Variants in DIP2B observed in about 807,000 individuals in gnomAD.
DIP2B encodes disco-interacting protein 2 homolog B.
A neutral mutation model predicts 198.0 loss-of-function variants in DIP2B; 76 were observed. That is an observed-to-expected ratio of 0.38 (90% CI 0.32 to 0.46). The LOEUF (loss-of-function observed/expected upper bound fraction) is 0.46, where lower values mean the gene tolerates loss of function less well. Ranked by LOEUF, DIP2B falls within the 20% of genes least tolerant of loss-of-function variation. The probability of loss-of-function intolerance (pLI) is 0.99; values close to 1 mark genes in which losing one functional copy is unlikely to be tolerated. For missense variants in DIP2B, 1,559 were observed against 1,978.4 expected (o/e 0.79, Z 4.02); for synonymous variants, 701 against 739.1 (o/e 0.95, Z 0.84).
At chr12:50,580,832 A>G (rs1028198347) in intron 1 of DIP2B, among the ~76,000 whole-genome samples, 2 of 148,896 alleles carry the variant, frequency 1.3e-5, no homozygotes, top group African/African-American at 4.9e-5. Flanking sequence ...CACACACTTT[A>G]TGTTCAAATG....
At chr12:50,708,696 A>G (rs1283647968) in intron 22 of DIP2B, 134 bp downstream of exon 22, 3 of 669,630 alleles carry the variant, frequency 4.5e-6, no homozygotes, top group Non-Finnish European at 7.7e-6. Flanking sequence ...GGGTACTACT[A>G]GCAAAATCAG....
chr12:50,692,355 C>A (rs151114194), intron 13 of DIP2B, among the ~76,000 whole-genome samples: 32 of 151,638 alleles, frequency 2.1e-4, no homozygotes, highest in African/African-American at 7.5e-4. Flanking sequence ...TCAAACTTCC[C>A]AAGTTTCTAA....
chr12:50,669,491 C>G (rs1938812361), intron 4 of DIP2B, among the ~76,000 whole-genome samples: 1 of 152,216 alleles, frequency 6.6e-6, no homozygotes, highest in African/African-American at 2.4e-5. Context: ...GATGCTATCT[C>G]TGCTCACTGC....
chr12:50,619,037 C>G (rs568633021), intron 1 of DIP2B, among the ~76,000 whole-genome samples: 1 of 152,234 alleles, frequency 6.6e-6, no homozygotes, highest in East Asian at 1.9e-4. Context: ...CCAAAGTCCC[C>G]CCACCCTCTA....
intron 22 of DIP2B, among the ~76,000 whole-genome samples, chr12:50,709,851 A>C (rs1362223804): frequency 6.6e-6 from 1 of 152,050 alleles, no homozygotes; most frequent in African/African-American, 2.4e-5. Context: ...TGTGACAGGC[A>C]CCAGTAGCCC....
At chr12:50,648,495 C>G (rs1464936813) in intron 3 of DIP2B, among the ~76,000 whole-genome samples, 2 of 152,160 alleles carry the variant, frequency 1.3e-5, no homozygotes, top group Non-Finnish European at 2.9e-5. Context: ...TCCCGAGTAG[C>G]TGGGACTACA....
intron 1 of DIP2B, among the ~76,000 whole-genome samples, chr12:50,527,028 T>A (rs1339703993): frequency 6.6e-6 from 1 of 152,196 alleles, no homozygotes; most frequent in Non-Finnish European, 1.5e-5. Flanking sequence ...CCAGACATTG[T>A]AATAAAACCA....
At chr12:50,634,588 T>C (rs1056267534) in intron 2 of DIP2B, among the ~76,000 whole-genome samples, 1 of 152,180 alleles carries the variant, frequency 6.6e-6, no homozygotes, top group African/African-American at 2.4e-5. Flanking sequence ...ACTTAGGGGT[T>C]TGTTCAATTA....
rs187283930 is a variant in DIP2B, at chr12:50,626,013, C to T, written c.138C>T (p.Ser46=). Residue 46 remains serine (S), a synonymous_variant, in exon 2 of 38, where the codon TCC becomes TCT. Coordinates refer to ENST00000301180, the MANE Select transcript of DIP2B (RefSeq NM_173602.3). ...AGAAGGGCTATGAAAAGAAAAGGTC[C>T]AAACTCCTATCTCCTTACAGCCCGC... ...ITQKGYEKKR[S]KLLSPYSPQT... 191 of 1,614,050 alleles carry T rather than the reference C, an allele frequency of 1.2e-4. 1 individual carries two copies. In the East Asian group the frequency reaches 3.2e-3, roughly 27 times the overall value.
intron 26 of DIP2B, among the ~76,000 whole-genome samples, chr12:50,722,132 A>T (rs1329162510): frequency 2.0e-5 from 3 of 152,088 alleles, no homozygotes; most frequent in East Asian, 1.9e-4. Flanking sequence ...TTCTGGGTGA[A>T]ATATTGGAGT....
chr12:50,546,597 A>T (rs1446085400), intron 1 of DIP2B, among the ~76,000 whole-genome samples: 2 of 152,200 alleles, frequency 1.3e-5, no homozygotes, highest in African/African-American at 4.8e-5. Flanking sequence ...CAATGTCCTT[A>T]TCTGGAAAAT....
In DIP2B at chr12:50,695,277, A is replaced by G. The variant is rs1457673151; in HGVS notation, c.1730A>G (p.Asn577Ser). The G allele has an allele frequency of 1.9e-6, 3 of 1,613,530 alleles. No individual in the cohort carries two copies. The highest frequency in any genetic ancestry group is 3.3e-4 in the Middle Eastern group (2 of 6,060). ...TTCTTTGTTTTTCAGAATGTAATGAATAAGATGCACACAATCAGCGTACCC... is the reference window on the plus strand; with the variant it reads ...TTCTTTGTTTTTCAGAATGTAATGAGTAAGATGCACACAATCAGCGTACCC... ...LWHGMFANVM[N>S]KMHTISVPYS... Residue 577 changes from asparagine (N) to serine (S), a missense_variant, in exon 15 of 38, where the codon AAT (asparagine) becomes AGT (serine). Physicochemically the swap from Asn to Ser is conservative, Grantham distance 46. Coordinates refer to ENST00000301180, the MANE Select transcript of DIP2B (RefSeq NM_173602.3).
At chr12:50,547,660 A>G (rs942432834) in intron 1 of DIP2B, among the ~76,000 whole-genome samples, 6 of 152,352 alleles carry the variant, frequency 3.9e-5, no homozygotes, top group African/African-American at 1.4e-4. Flanking sequence ...GCTAAAAAAA[A>G]TAAGTCTACT....
intron 1 of DIP2B, among the ~76,000 whole-genome samples, chr12:50,616,569 A>G (rs1270673177): frequency 2.0e-5 from 3 of 152,242 alleles, no homozygotes; most frequent in East Asian, 3.8e-4. Flanking sequence ...AGTTTTTAAA[A>G]TAATTCAAGG....
At chr12:50,614,052 A>T (rs551483011) in intron 1 of DIP2B, among the ~76,000 whole-genome samples, 2 of 152,264 alleles carry the variant, frequency 1.3e-5, no homozygotes, top group African/African-American at 4.8e-5. Context: ...ACTACCCCAT[A>T]TCTCTTTCCC....
chr12:50,704,746 C>T (rs568344465), intron 20 of DIP2B, among the ~76,000 whole-genome samples: 4 of 152,264 alleles, frequency 2.6e-5, no homozygotes, highest in Admixed American at 6.5e-5. Flanking sequence ...GGGCGGATCA[C>T]CTGAGGTCAG....
At position 50,505,182 on chromosome 12, in the gene DIP2B, G is replaced by C. The variant is rs1441852888; in HGVS notation, c.42G>C (p.Ala14=). ...RGLEPSPAAV[A]ALPPEVRAQL... ...TGGAGCCGTCGCCGGCCGCGGTGGC[G>C]GCGCTGCCGCCTGAAGTGCGGGCGC... The change falls in exon 1 of 38, where the codon GCG becomes GCC. Residue 14 remains alanine (A), a synonymous_variant. Transcript: ENST00000301180. The C allele has an allele frequency of 4.6e-6, 7 of 1,525,772 alleles. No individual in the cohort carries two copies. Among genetic ancestry groups the C allele is most frequent in the Non-Finnish European group, 6.1e-6 (7 of 1,142,058 alleles). The allele number at this position is 1,525,772 out of a possible 1,614,324, so 94.5% of individuals were successfully genotyped here. A position where few individuals can be genotyped will look rare whatever the true frequency, so the allele number is the denominator to read the frequency against.
At chr12:50,573,654 T>C (rs907215816) in intron 1 of DIP2B, among the ~76,000 whole-genome samples, 14 of 152,208 alleles carry the variant, frequency 9.2e-5, no homozygotes, top group African/African-American at 3.1e-4. Context: ...TGGAATCCCA[T>C]GATTGGCATA....
chr12:50,688,833 T>C (rs1295254999), intron 12 of DIP2B, among the ~76,000 whole-genome samples: 3 of 152,168 alleles, frequency 2.0e-5, no homozygotes, highest in Admixed American at 1.3e-4. Context: ...CAGTTGTCTT[T>C]ATTGGCTCTC....
Sources: gnomAD v4.1 joint callset for allele counts (sites outside exome capture counted in the v4.1 genomes callset) on GRCh38, gnomAD v4.1.1 for gene constraint, MANE v1.5 for transcripts, NCBI Gene and HGNC (gene_info 2026-07-23, HGNC 2026-07-21) for gene names.